ACBD5: variants seen among roughly 807,000 people sequenced by gnomAD.
The protein encoded by ACBD5 is acyl-CoA-binding domain-containing protein 5.
ACBD5 carries 40 observed loss-of-function variants against 71.8 expected under a neutral mutation model. The observed-to-expected ratio is 0.56, with a 90% confidence interval of 0.43 to 0.72. The LOEUF (loss-of-function observed/expected upper bound fraction) is 0.72, where lower values mean the gene tolerates loss of function less well. Among genes scored for constraint, ACBD5 ranks in the 30% least tolerant of loss-of-function variants. The probability of loss-of-function intolerance (pLI) is 0.00; values close to 1 mark genes in which losing one functional copy is unlikely to be tolerated. For synonymous variants in ACBD5, 229 were observed against 218.6 expected (o/e 1.05, Z -0.42); for missense variants, 559 against 644.5 (o/e 0.87, Z 1.44).
chr10:27,220,029 C>T (rs1193235072), intron 5 of ACBD5, among the ~76,000 whole-genome samples, 172 bp from the exon 6 acceptor site: 1 of 151,984 alleles, frequency 6.6e-6, no homozygotes, highest in Admixed American at 6.6e-5. Context: ...TATTACAAGA[C>T]AAATTCCTTC....
intron 10 of ACBD5, among the ~76,000 whole-genome samples, chr10:27,205,625 AT>A (rs1440287749): frequency 2.0e-5 from 3 of 151,884 alleles, no homozygotes; most frequent in Non-Finnish European, 2.9e-5. Context: ...TTGAGACACG[AT>A]CTTGGCTCAC....
At chr10:27,204,853 C>T (rs933430502) in intron 11 of ACBD5, among the ~76,000 whole-genome samples, 3 of 152,102 alleles carry the variant, frequency 2.0e-5, no homozygotes, top group Non-Finnish European at 4.4e-5. Context: ...ATGGGCCGGG[C>T]GCGGTGGCTC....
intron 12 of ACBD5, among the ~76,000 whole-genome samples, chr10:27,200,462 T>C (rs2059805737): frequency 6.6e-6 from 1 of 152,034 alleles, no homozygotes; most frequent in Admixed American, 6.6e-5. Flanking sequence ...TTTTTTTTTT[T>C]GAGATGGAGT....
At chr10:27,215,480 T>G (rs978911116) in intron 8 of ACBD5, 55 bp downstream of exon 8, 4 of 1,234,742 alleles carry the variant, frequency 3.2e-6, no homozygotes, top group Middle Eastern at 1.9e-4. Flanking sequence ...AAGTTACGCA[T>G]TGAATTCTAA....
At position 27,195,798 on chromosome 10, in the gene ACBD5, C is replaced by T. The variant is rs1364678303; in HGVS notation, c.*1632G>A. On this transcript the variant is annotated 3_prime_UTR_variant, in exon 13 of 13. Coordinates refer to ENST00000396271, the MANE Select transcript of ACBD5 (RefSeq NM_145698.5). ...AAGTAAATTGTATTCTTATACTTTTCAGGCAAACAAAGAACCATTCTGTAT... is the reference window on the plus strand; with the variant it reads ...AAGTAAATTGTATTCTTATACTTTTTAGGCAAACAAAGAACCATTCTGTAT... 9.7e-6 allele frequency: 4 copies of T among 411,504 alleles called. No homozygotes were observed. The highest frequency in any genetic ancestry group is 1.4e-5 in the Non-Finnish European group (3 of 213,674). The allele number at this position is 411,504 out of a possible 1,614,324, so 25.5% of individuals were successfully genotyped here.
At chr10:27,231,718 T>C in intron 4 of ACBD5, 30 bp downstream of exon 4, 1 of 1,605,434 alleles carries the variant, frequency 6.2e-7, no homozygotes, top group Non-Finnish European at 8.5e-7. Flanking sequence ...GCTCTGAATT[T>C]TCATTTTAAC....
chr10:27,235,380 C>T (rs2064523923), intron 2 of ACBD5, among the ~76,000 whole-genome samples, 168 bp from the exon 3 acceptor site: 1 of 152,172 alleles, frequency 6.6e-6, no homozygotes, highest in African/African-American at 2.4e-5. Flanking sequence ...TAGTTGCTTG[C>T]TTCTTTGATT....
chr10:27,211,054 C>T lies in ACBD5; in HGVS notation c.964G>A (p.Gly322Arg). 6.2e-7 allele frequency: 1 copy of T among 1,614,084 alleles called. No individual in the cohort carries two copies. Among genetic ancestry groups the T allele is most frequent in the Non-Finnish European group, 8.5e-7 (1 of 1,180,018 alleles). The change falls in exon 9 of 13, where the codon GGA becomes AGA. Residue 322 changes from glycine to arginine, a missense_variant. Physicochemically the swap from Gly to Arg is moderately radical, Grantham distance 125. Transcript: ENST00000396271. ...ESLDSFTSNNGPFQYYLGGHS... is the reference protein window; with the variant it reads ...ESLDSFTSNNRPFQYYLGGHS... ...CCACCCAAGTAATACTGAAATGGTC[C>T]ATTGTTGGACGTAAAGCTGTCTAAA...
intron 3 of ACBD5, 110 bp downstream of exon 3, chr10:27,234,982 T>C (rs2064454252): frequency 1.8e-6 from 2 of 1,130,422 alleles, no homozygotes; most frequent in African/African-American, 3.1e-5. Context: ...TTGTACCCAA[T>C]ACCTAGGACA....
intron 9 of ACBD5, among the ~76,000 whole-genome samples, chr10:27,209,226 C>T (rs1156802066): frequency 6.6e-6 from 1 of 151,998 alleles, no homozygotes; most frequent in Non-Finnish European, 1.5e-5. Context: ...CACTCCTGGC[C>T]CTGGAGACTA....
intron 11 of ACBD5, among the ~76,000 whole-genome samples, 160 bp from the exon 12 acceptor site, chr10:27,204,709 C>T (rs2060282047): frequency 6.6e-6 from 1 of 152,182 alleles, no homozygotes; most frequent in African/African-American, 2.4e-5. Context: ...GAGTATAATT[C>T]AGGAAACAGG....
chr10:27,186,266 TA>T, intron 13 of ACBD5: 1 of 1,102,338 alleles, frequency 9.1e-7, no homozygotes, highest in Non-Finnish European at 1.4e-6. Flanking sequence ...GAAACTGACA[TA>T]ATAAAGTAAG....
chr10:27,186,640 A>C, intron 13 of ACBD5: 1 of 1,069,674 alleles, frequency 9.3e-7, no homozygotes, highest in East Asian at 2.3e-5. Flanking sequence ...ATCATTATTT[A>C]ACCTAGTTCA....
At chr10:27,220,744 T>C (rs1281939868) in intron 5 of ACBD5, among the ~76,000 whole-genome samples, 1 of 152,152 alleles carries the variant, frequency 6.6e-6, no homozygotes, top group Non-Finnish European at 1.5e-5. Context: ...CAAAACAATC[T>C]TGAAAAATAA....
At chr10:27,237,325 T>C (rs1443084402) in intron 2 of ACBD5, among the ~76,000 whole-genome samples, 1 of 152,178 alleles carries the variant, frequency 6.6e-6, no homozygotes, top group East Asian at 1.9e-4. Context: ...CATATGTATT[T>C]GAAATATTAG....
rs534226 is a variant in ACBD5, at chr10:27,235,038, G to A, written c.302+54C>T. ...ATAACCACTTAAGTAATAGCCATAT[G>A]ATAATTATGTCATTAAAATTTAAAT... On this transcript the variant is annotated intron_variant, in intron 3 of 12. Transcript: ENST00000396271. 0.22 allele frequency: 335,491 copies of A among 1,551,542 alleles called. 38,256 individuals carry two copies. The highest frequency in any genetic ancestry group is 0.31 in the East Asian group (13,631 of 44,086).
chr10:27,208,060 C>T (rs747900745), intron 10 of ACBD5, among the ~76,000 whole-genome samples, 186 bp downstream of exon 10: 1 of 152,068 alleles, frequency 6.6e-6, no homozygotes, highest in Non-Finnish European at 1.5e-5. Context: ...TACCATTTTT[C>T]TATTATTTTA....
intron 4 of ACBD5, among the ~76,000 whole-genome samples, chr10:27,227,686 G>A (rs2063260479): frequency 6.6e-6 from 1 of 152,044 alleles, no homozygotes; most frequent in Non-Finnish European, 1.5e-5. Flanking sequence ...CTCTGCCATG[G>A]CAACTTTCAG....
At position 27,210,701 on chromosome 10, in the gene ACBD5, T is replaced by A. The variant is rs887986092; in HGVS notation, c.1204+113A>T. On this transcript the variant is annotated intron_variant, in intron 9 of 12. Transcript: ENST00000396271. ...TGAACCCGGGAGGCAGAGGTTGCAG[T>A]GAGCCGAGATTGCACCACCGCACAC... 4 of 1,410,686 alleles carry A rather than the reference T, an allele frequency of 2.8e-6. No individual in the cohort carries two copies. The African/African-American group carries it at 5.7e-5, about 20-fold the overall frequency. 87.4% of individuals were successfully genotyped at this position (1,410,686 alleles called of 1,614,324 possible). A position where few individuals can be genotyped will look rare whatever the true frequency, so the allele number is the denominator to read the frequency against.
Sources: gnomAD v4.1 joint callset for allele counts (sites outside exome capture counted in the v4.1 genomes callset) on GRCh38, gnomAD v4.1.1 for gene constraint, MANE v1.5 for transcripts, NCBI Gene and HGNC (gene_info 2026-07-23, HGNC 2026-07-21) for gene names.